The following CELSR1 variants were observed in gnomAD, a reference collection of about 807,000 sequenced individuals.
The protein encoded by CELSR1 is adhesion G protein-coupled receptor C1.
Under a neutral mutation model 249.1 loss-of-function variants are expected in CELSR1, and 110 were observed. The observed-to-expected ratio is 0.44, with a 90% CI of 0.38 to 0.52. The LOEUF (loss-of-function observed/expected upper bound fraction) is 0.52. Among genes scored for constraint, CELSR1 ranks in the 20% least tolerant of loss-of-function variants. The pLI is 0.00. For synonymous variants in CELSR1, 2,113 were observed against 1,900.0 expected, an observed-to-expected ratio of 1.11 and a Z score of -2.92; for missense variants, 4,109 against 4,296.4, an observed-to-expected ratio of 0.96 and a Z score of 1.22.
chr22:46,367,606 G>T, intron 28 of CELSR1, 123 bp downstream of exon 28: 1 of 1,344,054 alleles, frequency 7.4e-7, no homozygotes, highest in Non-Finnish European at 1.0e-6. Flanking sequence ...GCCACAGGAG[G>T]CCCCCACGCG....
At chr22:46,421,023 C>T (rs912989901) in intron 5 of CELSR1, among the ~76,000 whole-genome samples, 6 of 152,108 alleles carry the variant, frequency 3.9e-5, no homozygotes, top group East Asian at 1.9e-4. Flanking sequence ...TCCATGGCTC[C>T]GCCTAAACCC....
At position 46,454,571 on chromosome 22, in the gene CELSR1, A is replaced by G. The variant is rs1602158604; in HGVS notation, c.4183+9136T>C. ...ATTGCATGCGGCTCGTCTTCAGGCC[A>G]CTTTTCTAACTGTGGGCCAGACATT... On this transcript the variant is annotated intron_variant, in intron 2 of 34. Transcript: ENST00000674500. The surrounding 1 kb of genome is among the most constrained non-coding windows in gnomAD (Gnocchi z 5.1). Among the ~76,000 whole-genome samples, 1 of 152,196 alleles carries G rather than the reference A, an allele frequency of 6.6e-6. No individual in the cohort carries two copies. The highest frequency in any genetic ancestry group is 2.4e-5 in the African/African-American group (1 of 41,454).
At position 46,473,614 on chromosome 22, in the gene CELSR1, C is replaced by T. The variant is rs1215760354; in HGVS notation, c.3545-9269G>A. On this transcript the variant is annotated intron_variant, in intron 1 of 34. Coordinates refer to ENST00000674500, the MANE Select transcript of CELSR1 (RefSeq NM_001378328.1). The surrounding 1 kb of genome is among the most constrained non-coding windows in gnomAD (Gnocchi z 6.6). Reference sequence around the variant, plus strand: ...GGCAGCCCATGATGCCCTCGGGGTCCAGAGTCATTCCCCGTGGCCGGCTGT... The same window carrying T: ...GGCAGCCCATGATGCCCTCGGGGTCTAGAGTCATTCCCCGTGGCCGGCTGT... Among the ~76,000 whole-genome samples the T allele has an allele frequency of 6.6e-6, 1 of 152,210 alleles. No individual in the cohort carries two copies. The highest frequency in any genetic ancestry group is 1.9e-4 in the East Asian group (1 of 5,188).
rs945984191 is a variant in CELSR1, at chr22:46,454,977, G to A, written c.4183+8730C>T. 4.6e-5 allele frequency among the ~76,000 whole-genome samples: 7 copies of A among 152,346 alleles called. 1 individual carries two copies. In the South Asian group the frequency reaches 1.4e-3, roughly 32 times the overall value. On this transcript the variant is annotated intron_variant, in intron 2 of 34. Coordinates refer to ENST00000674500, the MANE Select transcript of CELSR1 (RefSeq NM_001378328.1). This position sits in a 1 kb window ranked among gnomAD's most constrained non-coding sequence, Gnocchi z 5.1. ...ACTTAGGATGAGATCATTAGGGTGG[G>A]TCCTAATCCAGTGACCGGTGTCCTT... is the stretch of plus-strand genomic sequence containing the variant.
intron 5 of CELSR1, among the ~76,000 whole-genome samples, chr22:46,421,999 T>A (rs1378127804): frequency 6.6e-6 from 1 of 152,234 alleles, no homozygotes; most frequent in Non-Finnish European, 1.5e-5. Context: ...CATGGCCACC[T>A]CCTTTATCAT....
intron 5 of CELSR1, among the ~76,000 whole-genome samples, chr22:46,432,515 G>A (rs541062049): frequency 4.6e-5 from 7 of 152,352 alleles, no homozygotes; most frequent in Admixed American, 2.0e-4. Flanking sequence ...ACGAGCAAGC[G>A]GGGGCACACC....
At chr22:46,510,161 C>G (rs532317206) in intron 1 of CELSR1, among the ~76,000 whole-genome samples, 1 of 152,222 alleles carries the variant, frequency 6.6e-6, no homozygotes, top group Non-Finnish European at 1.5e-5. Flanking sequence ...GTCTCTCACC[C>G]ATTTAGGTGA....
chr22:46,388,009 G>T (rs2079050109), intron 18 of CELSR1, among the ~76,000 whole-genome samples: 1 of 152,116 alleles, frequency 6.6e-6, no homozygotes, highest in Non-Finnish European at 1.5e-5. Context: ...TGAAAGACTG[G>T]GTGGAGGCAT....
chr22:46,364,763 G>A, intron 32 of CELSR1, 27 bp from the exon 33 acceptor site: 1 of 1,598,890 alleles, frequency 6.3e-7, no homozygotes, highest in Non-Finnish European at 8.5e-7. Context: ...GTGCTCAGCA[G>A]GCAGCGGCAC....
intron 5 of CELSR1, among the ~76,000 whole-genome samples, chr22:46,422,742 G>C (rs1027994049): frequency 6.8e-5 from 10 of 147,326 alleles, no homozygotes; most frequent in Non-Finnish European, 1.3e-4. Flanking sequence ...ACTCCAGCCT[G>C]GGCGACAGAG....
At chr22:46,462,802 G>A in intron 2 of CELSR1, 2 of 376,994 alleles carry the variant, frequency 5.3e-6, no homozygotes, top group South Asian at 2.0e-5. Context: ...TCTCGGGGTG[G>A]CTCTTTATTT....
intron 18 of CELSR1, 30 bp from the exon 19 acceptor site, chr22:46,386,615 G>A: frequency 6.6e-7 from 1 of 1,517,438 alleles, no homozygotes; most frequent in South Asian, 1.2e-5. Flanking sequence ...TCAGTACTCA[G>A]CCTGCGGAGG....
Position 46,429,110 on chromosome 22 carries a change from C to T in CELSR1, c.4611+4283G>A, listed in dbSNP as rs2079566542. On this transcript the variant is annotated intron_variant, in intron 5 of 34. Transcript: ENST00000674500. This position sits in a 1 kb window ranked among gnomAD's most constrained non-coding sequence, Gnocchi z 4.1. ...TAAGGGAATGACCCGCTCAGTGCAGCCCCGAGGATCCCCATCCTTCCAGAC... is the reference window on the plus strand; with the variant it reads ...TAAGGGAATGACCCGCTCAGTGCAGTCCCGAGGATCCCCATCCTTCCAGAC... Among the ~76,000 whole-genome samples the T allele has an allele frequency of 6.6e-6, 1 of 152,154 alleles. No individual in the cohort carries two copies.
intron 3 of CELSR1, among the ~76,000 whole-genome samples, chr22:46,438,913 G>A (rs2079700693): frequency 6.6e-6 from 1 of 152,136 alleles, no homozygotes; most frequent in African/African-American, 2.4e-5. Flanking sequence ...ATAAACCACT[G>A]TATCCAGCTC....
In CELSR1 at chr22:46,396,155, C is replaced by A. The variant is rs1221736957; in HGVS notation, c.5843+450G>T. ...AGCGTGGTGGCTCACACCCGTAATC[C>A]CAGCACTTTGGGAGGCTGAGGCAGG... On this transcript the variant is annotated intron_variant, in intron 13 of 34. Coordinates refer to ENST00000674500, the MANE Select transcript of CELSR1 (RefSeq NM_001378328.1). This position sits in a 1 kb window ranked among gnomAD's most constrained non-coding sequence, Gnocchi z 6.4. Among the ~76,000 whole-genome samples the A allele has an allele frequency of 6.6e-6, 1 of 152,098 alleles. No homozygotes were observed. Among genetic ancestry groups the A allele is most frequent in the African/African-American group, 2.4e-5 (1 of 41,418 alleles).
Position 46,527,015 on chromosome 22 carries a change from G to C in CELSR1, c.3544+6612C>G, listed in dbSNP as rs762422983. ...GTTTTTTCTGGAAGGCACAGACAGG[G>C]AACATGCCTTAGGAGCTGCCCGGTC... On this transcript the variant is annotated intron_variant, in intron 1 of 34. Coordinates refer to ENST00000674500, the MANE Select transcript of CELSR1 (RefSeq NM_001378328.1). This position sits in a 1 kb window ranked among gnomAD's most constrained non-coding sequence, Gnocchi z 5.5. 3.9e-5 allele frequency among the ~76,000 whole-genome samples: 6 copies of C among 152,206 alleles called. No homozygotes were observed. The highest frequency in any genetic ancestry group is 8.8e-5 in the Non-Finnish European group (6 of 68,040).
At chr22:46,416,008 C>A (rs922937698) in intron 5 of CELSR1, among the ~76,000 whole-genome samples, 7 of 150,786 alleles carry the variant, frequency 4.6e-5, no homozygotes, top group Non-Finnish European at 1.0e-4. Context: ...CAGCTCCCGA[C>A]TGTGGGGTGG....
rs1434616110 is a variant in CELSR1 at position 46,534,723 on chromosome 22, C to T, written c.2448G>A (p.Glu816=). Residue 816 remains glutamate (E), a synonymous_variant, in exon 1 of 35, where the codon GAG becomes GAA. Transcript: ENST00000674500. The surrounding 1 kb of genome is among the most constrained non-coding windows in gnomAD (Gnocchi z 9.7). ...TSIATLSAND[E]DTGENARITY... ...TGATGCGGGCATTCTCTCCTGTGTC[C>T]TCATCGTTGGCACTGAGGGTAGCAA... is the stretch of plus-strand genomic sequence containing the variant. 6.2e-7 allele frequency: 1 copy of T among 1,613,340 alleles called. No homozygotes were observed. Among genetic ancestry groups the T allele is most frequent in the Admixed American group, 1.7e-5 (1 of 60,028 alleles).
rs950196891 is a variant in CELSR1 at position 46,367,718 on chromosome 22, C to T, written c.8079+11G>A. On this transcript the variant is annotated intron_variant, in intron 28 of 34. Transcript: ENST00000674500. ...GGCAGGGGTCCCGCGGGCAACTCGG[C>T]CGTCACCTACCTGTAAGCCGCTGAA... The T allele has an allele frequency of 5.7e-6, 9 of 1,588,510 alleles. No individual in the cohort carries two copies. The highest frequency in any genetic ancestry group is 4.6e-5 in the South Asian group (4 of 87,030).
Sources: gnomAD v4.1 joint callset for allele counts (sites outside exome capture counted in the v4.1 genomes callset) on GRCh38, gnomAD v4.1.1 for gene constraint, Gnocchi (gnomAD v3.1) non-coding constraint, MANE v1.5 for transcripts, NCBI Gene and HGNC (gene_info 2026-07-23, HGNC 2026-07-21) for gene names.